FDFT1: variants seen among roughly 807,000 people sequenced by gnomAD.
FDFT1 encodes the protein farnesyl-diphosphate farnesyltransferase 1, also known as squalene synthase.
A neutral mutation model predicts 46.8 loss-of-function variants in FDFT1; 68 were observed. The ratio of observed to expected loss-of-function variants is 1.45; its 90% CI spans 1.19 to 1.78. The LOEUF (loss-of-function observed/expected upper bound fraction) is 1.78, where lower values mean the gene tolerates loss of function less well. Among genes scored for constraint, FDFT1 ranks in the 40% most tolerant of loss-of-function variants. The pLI is 0.00. For synonymous variants in FDFT1, 351 were observed against 185.1 expected, an observed-to-expected ratio of 1.90 and a Z score of -7.28; for missense variants, 928 against 524.4, an observed-to-expected ratio of 1.77 and a Z score of -7.52.
chr8:11,819,409 G>C (rs937514097), intron 3 of FDFT1, among the ~76,000 whole-genome samples: 2 of 152,136 alleles, frequency 1.3e-5, no homozygotes, highest in Admixed American at 6.5e-5. Flanking sequence ...TGCTAGGTTG[G>C]GGAAGTTCTC....
intron 5 of FDFT1, among the ~76,000 whole-genome samples, chr8:11,828,672 A>G (rs1035804569): frequency 6.6e-6 from 1 of 152,248 alleles, no homozygotes; most frequent in Non-Finnish European, 1.5e-5. Context: ...CATTTCTACC[A>G]CACGGTGGTG....
intron 1 of FDFT1, among the ~76,000 whole-genome samples, chr8:11,805,069 C>A (rs1806656177): frequency 7.6e-6 from 1 of 131,442 alleles, no homozygotes; most frequent in South Asian, 2.8e-4. Context: ...CACGTGTCAC[C>A]AATGCATGGC....
At chr8:11,818,584 C>G (rs1044269651) in intron 3 of FDFT1, among the ~76,000 whole-genome samples, 1 of 152,160 alleles carries the variant, frequency 6.6e-6, no homozygotes, top group African/African-American at 2.4e-5. Flanking sequence ...GTTAGCTCTT[C>G]TTGTTGAATT....
chr8:11,796,545 C>T (rs771587032), intron 1 of FDFT1, among the ~76,000 whole-genome samples: 2 of 152,244 alleles, frequency 1.3e-5, no homozygotes, highest in South Asian at 2.1e-4. Flanking sequence ...GTGGACACTC[C>T]GAGGCAGGCA....
At chr8:11,824,808 T>C (rs537176767) in intron 4 of FDFT1, among the ~76,000 whole-genome samples, 7 of 152,174 alleles carry the variant, frequency 4.6e-5, no homozygotes, top group African/African-American at 1.7e-4. Flanking sequence ...CGATCTCGGC[T>C]CCCTGCAAGC....
At chr8:11,798,485 A>G (rs1805787989), upstream of FDFT1, among the ~76,000 whole-genome samples, 1 of 152,258 alleles carries the variant, frequency 6.6e-6, no homozygotes, top group Non-Finnish European at 1.5e-5. Flanking sequence ...AGAGATTAAA[A>G]TGAAAGGTAT....
chr8:11,826,550 A>G (rs1281978917), intron 5 of FDFT1, among the ~76,000 whole-genome samples: 1 of 152,250 alleles, frequency 6.6e-6, no homozygotes, highest in Non-Finnish European at 1.5e-5. Flanking sequence ...GCAGTGGCTC[A>G]TGCCTGTAAT....
rs557597204 is a variant in FDFT1, at chr8:11,836,326, C to T, written c.1033-2062C>T. Among the ~76,000 whole-genome samples the T allele has an allele frequency of 5.3e-5, 8 of 152,326 alleles. No homozygotes were observed. In the East Asian group the frequency reaches 9.6e-4, roughly 18 times the overall value. On this transcript the variant is annotated intron_variant, in intron 7 of 7. Coordinates refer to ENST00000220584, the MANE Select transcript of FDFT1 (RefSeq NM_004462.5). ...TGTCACTGCCACTCATCTTGGCCTT[C>T]GGCCACTGCTGTAGCAACCAGTTTC...
At chr8:11,835,601 C>T (rs1466112350) in intron 7 of FDFT1, among the ~76,000 whole-genome samples, 1 of 152,002 alleles carries the variant, frequency 6.6e-6, no homozygotes, top group South Asian at 2.1e-4. Context: ...TGGGTGCCAG[C>T]GATTGATTCC....
In FDFT1 at chr8:11,812,819, G is replaced by C. The variant is rs1807922467; in HGVS notation, c.381+2969G>C. On this transcript the variant is annotated intron_variant, in intron 3 of 7. Coordinates refer to ENST00000220584, the MANE Select transcript of FDFT1 (RefSeq NM_004462.5). ...ATCCTTTATACTTTAGTGATCATTA[G>C]TTGATACCAGTTCAAGTCAGGCTTT... Among the ~76,000 whole-genome samples, 3 of 152,310 alleles carry C rather than the reference G, an allele frequency of 2.0e-5. 1 individual carries two copies. The South Asian group carries it at 6.2e-4, about 32-fold the overall frequency.
intron 7 of FDFT1, among the ~76,000 whole-genome samples, chr8:11,836,207 T>A (rs984014294): frequency 9.9e-5 from 15 of 151,944 alleles, no homozygotes; most frequent in African/African-American, 3.6e-4. Flanking sequence ...TGAGAAACTA[T>A]TCTCAGGGTC....
Position 11,830,288 on chromosome 8 carries a change from G to A in FDFT1, c.747G>A (p.Pro249=), listed in dbSNP as rs146586993. 2,062 of 1,613,946 alleles carry A rather than the reference G, an allele frequency of 1.3e-3. 14 individuals are homozygous for A. Among genetic ancestry groups the A allele is most frequent in the South Asian group, 1.0e-2 (909 of 91,072 alleles). ...AGAAGTTAGGGGATTTTGCTAAGCC[G>A]GAGAATATTGACTTGGCCGTGCAGT... is the stretch of plus-strand genomic sequence containing the variant. ...YVKKLGDFAK[P]ENIDLAVQCL... The change falls in exon 6 of 8, where the codon CCG becomes CCA. Residue 249 remains proline (P), a synonymous_variant. Coordinates refer to ENST00000220584, the MANE Select transcript of FDFT1 (RefSeq NM_004462.5).
chr8:11,819,637 G>A lies in FDFT1; in HGVS notation c.382-2113G>A, dbSNP rs1009387957. Among the ~76,000 whole-genome samples the A allele has an allele frequency of 2.6e-5, 4 of 151,430 alleles. No homozygotes were observed. In the South Asian group the frequency reaches 6.3e-4, roughly 24 times the overall value. On this transcript the variant is annotated intron_variant, in intron 3 of 7. Transcript: ENST00000220584. ...ATCCTTTCTTCTGCTTGATCGAATC[G>A]GCTATTGAAGCTTGTTTATGCTTTG...
At chr8:11,803,606 C>G (rs1449330370) in intron 1 of FDFT1, 1 of 601,142 alleles carries the variant, frequency 1.7e-6, no homozygotes, top group Non-Finnish European at 2.3e-6. Flanking sequence ...TTTATTCCAA[C>G]AAGAAAATTA....
rs1254890183 is a variant in FDFT1, at chr8:11,818,327, T to C, written c.382-3423T>C. On this transcript the variant is annotated intron_variant, in intron 3 of 7. Transcript: ENST00000220584. ...AAGTGCGATGTGGTGCTGAGAAGAA[T>C]GTATATTCTGTTGATTTGGGGTGGA... Among the ~76,000 whole-genome samples the C allele has an allele frequency of 2.0e-5, 3 of 152,234 alleles. No homozygotes were observed. The East Asian group carries it at 5.8e-4, about 29-fold the overall frequency.
intron 1 of FDFT1, among the ~76,000 whole-genome samples, chr8:11,807,030 A>G (rs1002111332): frequency 2.5e-5 from 1 of 40,288 alleles, no homozygotes; most frequent in Non-Finnish European, 8.6e-5. Context: ...ATATACAAAT[A>G]AAAACAACAT....
chr8:11,808,725 CACTCCCA>C, intron 1 of FDFT1, 62 bp from the exon 2 acceptor site: 4 of 1,561,848 alleles, frequency 2.6e-6, no homozygotes, highest in South Asian at 2.3e-5. Flanking sequence ...CTCCCACTCC[CACTCCCA>C]CTCCCACTCC....
chr8:11,804,735 T>G (rs1416867117), intron 1 of FDFT1, among the ~76,000 whole-genome samples: 1 of 150,918 alleles, frequency 6.6e-6, no homozygotes, highest in Admixed American at 6.6e-5. Context: ...GCCTGCTGAG[T>G]AGCTGGGATT....
chr8:11,808,802 C>G lies in FDFT1; in HGVS notation c.108C>G (p.Leu36=). The change falls in exon 2 of 8, where the codon CTC becomes CTG. Residue 36 remains leucine, a synonymous_variant. Transcript: ENST00000220584. ...GTGTTGTCTGCCCGCAGGACTCGCT[C>G]AGCAGCAGCCTGAAAACTTGCTACA... The part of the protein sequence containing the change: ...KVMPKMDQDS[L]SSSLKTCYKY... 6.2e-7 allele frequency: 1 copy of G among 1,613,858 alleles called. No homozygotes were observed.
Sources: gnomAD v4.1 joint callset for allele counts (sites outside exome capture counted in the v4.1 genomes callset) on GRCh38, gnomAD v4.1.1 for gene constraint, MANE v1.5 for transcripts, NCBI Gene and HGNC (gene_info 2026-07-23, HGNC 2026-07-21) for gene names.